RIMS2: variants seen among roughly 807,000 people sequenced by gnomAD.
The protein encoded by RIMS2 is regulating synaptic membrane exocytosis 2, also known as regulating synaptic membrane exocytosis protein 2.
Under a neutral mutation model 174.4 loss-of-function variants are expected in RIMS2, and 59 were observed. That is an observed-to-expected ratio of 0.34 (90% confidence interval 0.27 to 0.42). The LOEUF (loss-of-function observed/expected upper bound fraction) is 0.42. Ranked by LOEUF, RIMS2 falls within the 10% of genes least tolerant of loss-of-function variation. The pLI is 1.00. For missense variants in RIMS2, 1,620 were observed against 1,666.3 expected, an observed-to-expected ratio of 0.97 and a Z score of 0.48; for synonymous variants, 606 against 572.5, an observed-to-expected ratio of 1.06 and a Z score of -0.84.
intron 1 of RIMS2, among the ~76,000 whole-genome samples, chr8:103,622,493 T>C (rs2095659702): frequency 6.6e-6 from 1 of 152,192 alleles, no homozygotes; most frequent in Non-Finnish European, 1.5e-5. Flanking sequence ...TTTTCAATTT[T>C]TTATATAATT....
chr8:104,009,831 C>G (rs994566437), intron 17 of RIMS2, among the ~76,000 whole-genome samples: 1 of 152,072 alleles, frequency 6.6e-6, no homozygotes, highest in Non-Finnish European at 1.5e-5. Flanking sequence ...TGAAATAAGT[C>G]TGATTTAATA....
chr8:103,851,641 A>G (rs2098998481), intron 3 of RIMS2, among the ~76,000 whole-genome samples: 1 of 113,054 alleles, frequency 8.8e-6, no homozygotes, highest in Non-Finnish European at 1.8e-5. Context: ...TAGGAATGCT[A>G]TGTACACACA....
chr8:103,750,585 C>A (rs941323538), intron 2 of RIMS2, among the ~76,000 whole-genome samples: 5 of 152,152 alleles, frequency 3.3e-5, no homozygotes, highest in Middle Eastern at 3.4e-3. Context: ...TAATAATCCC[C>A]ACGTGTCAAG....
At chr8:104,004,303 G>C (rs773494728) in intron 17 of RIMS2, among the ~76,000 whole-genome samples, 5 of 152,170 alleles carry the variant, frequency 3.3e-5, no homozygotes, top group Non-Finnish European at 7.4e-5. Flanking sequence ...CCTGCCTGAG[G>C]AACATTAACA....
In RIMS2 at chr8:104,210,298, C is replaced by T. The variant is rs565364120; in HGVS notation, c.3335-34618C>T. Among the ~76,000 whole-genome samples the T allele has an allele frequency of 2.5e-4, 38 of 152,262 alleles. No individual in the cohort carries two copies. The South Asian group carries it at 7.7e-3, about 31-fold the overall frequency. On this transcript the variant is annotated intron_variant, in intron 19 of 23. Transcript: ENST00000504942. Reference sequence around the variant, plus strand: ...GATTTTACAGTGAGGTAATTTTTGACATCATAGTAAGAATAATTATTTATT... The same window carrying T: ...GATTTTACAGTGAGGTAATTTTTGATATCATAGTAAGAATAATTATTTATT...
At chr8:104,101,658 T>C (rs1039995606) in intron 19 of RIMS2, among the ~76,000 whole-genome samples, 2 of 152,184 alleles carry the variant, frequency 1.3e-5, no homozygotes, top group South Asian at 2.1e-4. Context: ...TTCTTTCTTT[T>C]ATTTTGTGTG....
At chr8:103,741,251 C>T (rs565342319) in intron 2 of RIMS2, among the ~76,000 whole-genome samples, 1 of 151,820 alleles carries the variant, frequency 6.6e-6, no homozygotes, top group South Asian at 2.1e-4. Flanking sequence ...TAGTACAGAC[C>T]CAGATAGAAT....
At chr8:103,608,836 C>T (rs895015327) in intron 1 of RIMS2, among the ~76,000 whole-genome samples, 27 of 152,340 alleles carry the variant, frequency 1.8e-4, no homozygotes, top group South Asian at 1.4e-3. Flanking sequence ...GGCAATGCCT[C>T]GCCCTGCTTT....
At chr8:103,701,624 T>C (rs2097168787) in intron 2 of RIMS2, among the ~76,000 whole-genome samples, 1 of 152,142 alleles carries the variant, frequency 6.6e-6, no homozygotes, top group African/African-American at 2.4e-5. Flanking sequence ...TTCTATTTAC[T>C]ACCTGCATGA....
At chr8:103,930,955 C>A (rs7845569) in intron 11 of RIMS2, among the ~76,000 whole-genome samples, 3,898 of 152,100 alleles carry the variant, frequency 0.026, 99 homozygotes, top group Middle Eastern at 0.044. Context: ...AGTAAAGATA[C>A]AGATCAGTCA....
chr8:103,786,165 A>G (rs1041603399), intron 3 of RIMS2, among the ~76,000 whole-genome samples: 2 of 151,560 alleles, frequency 1.3e-5, no homozygotes, highest in Non-Finnish European at 1.5e-5. Context: ...CTCTCCTTCC[A>G]TCTTTATTCG....
At chr8:103,697,426 T>A in intron 2 of RIMS2, 130 bp downstream of exon 4, 1 of 775,024 alleles carries the variant, frequency 1.3e-6, no homozygotes, top group Non-Finnish European at 2.2e-6. Flanking sequence ...AAAATGCTTG[T>A]GGCCAGACAC....
intron 1 of RIMS2, among the ~76,000 whole-genome samples, chr8:103,607,397 G>C (rs1031665415): frequency 3.8e-4 from 58 of 152,004 alleles, no homozygotes; most frequent in African/African-American, 1.4e-3. Flanking sequence ...GCTTCCCTTT[G>C]AGGGTAACCC....
intron 1 of RIMS2, among the ~76,000 whole-genome samples, chr8:103,530,500 T>C (rs1030765575): frequency 2.0e-5 from 3 of 152,072 alleles, no homozygotes; most frequent in Non-Finnish European, 2.9e-5. Context: ...ATTTATGAGA[T>C]GTGTCTAAAA....
intron 3 of RIMS2, among the ~76,000 whole-genome samples, chr8:103,805,617 A>G (rs1321068760): frequency 1.3e-5 from 2 of 152,172 alleles, no homozygotes; most frequent in Non-Finnish European, 2.9e-5. Context: ...CTAATTACAC[A>G]GTGCTTGAGC....
At chr8:103,884,481 A>G (rs1379683404) in intron 3 of RIMS2, among the ~76,000 whole-genome samples, 2 of 151,844 alleles carry the variant, frequency 1.3e-5, no homozygotes. Flanking sequence ...TCTTATTGCA[A>G]GGTTCACTAG....
intron 1 of RIMS2, among the ~76,000 whole-genome samples, chr8:103,531,564 C>A (rs946644630): frequency 6.6e-6 from 1 of 152,166 alleles, no homozygotes; most frequent in African/African-American, 2.4e-5. Flanking sequence ...CATTACAGTG[C>A]ATATCTGATC....
chr8:104,116,863 A>T (rs1487912540), intron 19 of RIMS2, among the ~76,000 whole-genome samples: 11 of 152,180 alleles, frequency 7.2e-5, no homozygotes, highest in Non-Finnish European at 1.3e-4. Flanking sequence ...TTTGTTTTTT[A>T]ATGATAAAGA....
intron 1 of RIMS2, among the ~76,000 whole-genome samples, chr8:103,512,664 T>A (rs190715785): frequency 2.0e-5 from 3 of 152,210 alleles, no homozygotes; most frequent in Non-Finnish European, 2.9e-5. Context: ...AATCCTATCA[T>A]GTATAGAGGG....
Sources: allele counts gnomAD v4.1 joint callset (sites outside exome capture counted in the v4.1 genomes callset), GRCh38; gene constraint gnomAD v4.1.1; transcripts MANE v1.5; gene names NCBI Gene and HGNC (gene_info 2026-07-23, HGNC 2026-07-21).